The following EDA variants were observed in gnomAD, a reference collection of about 807,000 sequenced individuals.
EDA encodes the protein ectodysplasin A.
A neutral mutation model predicts 23.6 loss-of-function variants in EDA; 2 were observed. The ratio of observed to expected loss-of-function variants is 0.08; its 90% CI spans 0.03 to 0.27. EDA has a LOEUF of 0.27. EDA is among the 10% of genes least tolerant of loss of function. The probability of loss-of-function intolerance (pLI) is 1.00; values close to 1 mark genes in which losing one functional copy is unlikely to be tolerated. For synonymous variants in EDA, 131 were observed against 132.0 expected (o/e 0.99, Z 0.05); for missense variants, 229 against 324.2 (o/e 0.71, Z 2.26).
chrX:69,858,848 ATC>A (rs1208925862), intron 1 of EDA, among the ~76,000 whole-genome samples: 1 of 111,176 alleles, frequency 9.0e-6, no homozygotes, highest in Non-Finnish European at 1.9e-5. Flanking sequence ...CCAGCTATGA[ATC>A]TCTCTGGTCC....
chrX:69,665,181 G>A (rs983842937), intron 1 of EDA, among the ~76,000 whole-genome samples: 1 of 112,082 alleles, frequency 8.9e-6, no homozygotes, highest in African/African-American at 3.2e-5. Flanking sequence ...CTATTGAGTT[G>A]TATGAGTTCT....
intron 1 of EDA, among the ~76,000 whole-genome samples, chrX:69,737,579 ATTG>A (rs1213780053): frequency 8.9e-6 from 1 of 112,128 alleles, no homozygotes; most frequent in Non-Finnish European, 1.9e-5. Context: ...CCTCCTAATT[ATTG>A]TTATTTTTGC....
chrX:69,939,697 A>G (rs190485907), intron 1 of EDA, among the ~76,000 whole-genome samples: 3 of 111,123 alleles, frequency 2.7e-5, no homozygotes, highest in African/African-American at 6.5e-5. Context: ...GTTTTTCCCT[A>G]TTGCGTATGA....
intron 1 of EDA, among the ~76,000 whole-genome samples, chrX:69,730,238 G>A (rs143414145): frequency 8.2e-4 from 91 of 111,586 alleles, no homozygotes; most frequent in African/African-American, 2.9e-3. Context: ...TTTGTTCACT[G>A]CTGTATCCAC....
intron 1 of EDA, among the ~76,000 whole-genome samples, chrX:69,717,075 T>C (rs1252554686): frequency 9.0e-6 from 1 of 111,283 alleles, no homozygotes; most frequent in Non-Finnish European, 1.9e-5. Context: ...TCTTGTGTGA[T>C]TGCTCTGGCT....
chrX:69,682,502 G>C (rs912461043), intron 1 of EDA, among the ~76,000 whole-genome samples: 1 of 112,241 alleles, frequency 8.9e-6, no homozygotes, highest in Non-Finnish European at 1.9e-5. Flanking sequence ...CTCCAAGCCA[G>C]GTGTGGGATA....
At chrX:69,831,684 A>T (rs1178651907) in intron 1 of EDA, among the ~76,000 whole-genome samples, 1 of 112,137 alleles carries the variant, frequency 8.9e-6, no homozygotes, top group East Asian at 2.8e-4. Flanking sequence ...ACAGTGTAAA[A>T]GTTCCTGTTT....
intron 1 of EDA, among the ~76,000 whole-genome samples, chrX:69,659,297 C>T (rs1480727109): frequency 8.9e-6 from 1 of 112,015 alleles, no homozygotes; most frequent in Non-Finnish European, 1.9e-5. Flanking sequence ...TACTACATTT[C>T]GGGAACATCC....
At chrX:69,641,746 A>G (rs1246635157) in intron 1 of EDA, among the ~76,000 whole-genome samples, 1 of 111,721 alleles carries the variant, frequency 9.0e-6, no homozygotes, top group African/African-American at 3.3e-5. Context: ...ATGTATATGT[A>G]TAATGGTGCA....
chrX:69,749,526 A>C, intron 1 of EDA, among the ~76,000 whole-genome samples: 1 of 110,609 alleles, frequency 9.0e-6, no homozygotes, highest in Admixed American at 9.6e-5. Flanking sequence ...TGACTTCCAC[A>C]ATGGTTGAAC....
At chrX:69,756,023 G>A (rs780177721) in intron 1 of EDA, among the ~76,000 whole-genome samples, 26 of 111,999 alleles carry the variant, frequency 2.3e-4, no homozygotes, top group African/African-American at 6.8e-4. Flanking sequence ...CGGGTGAGGC[G>A]ATGCCCCGCC....
At chrX:69,847,080 T>C (rs2017023696) in intron 1 of EDA, among the ~76,000 whole-genome samples, 1 of 111,671 alleles carries the variant, frequency 9.0e-6, no homozygotes, top group Non-Finnish European at 1.9e-5. Flanking sequence ...GAATACGGGT[T>C]GTGTATGGAG....
At chrX:69,998,278 G>GCCC (rs2019690065) in intron 2 of EDA, among the ~76,000 whole-genome samples, 1 of 112,554 alleles carries the variant, frequency 8.9e-6, no homozygotes, top group African/African-American at 3.2e-5. Flanking sequence ...TGGAGTCAAA[G>GCCC]GAGATCATTT....
chrX:69,877,478 A>G (rs2017664048), intron 1 of EDA, among the ~76,000 whole-genome samples: 1 of 112,586 alleles, frequency 8.9e-6, no homozygotes, highest in African/African-American at 3.2e-5. Context: ...AATATCTTTT[A>G]TAATGTAGTA....
rs527645058 is a variant in EDA, at chrX:69,843,142, A to C, written c.397-113885A>C. 2.6e-4 allele frequency among the ~76,000 whole-genome samples: 29 copies of C among 112,546 alleles called. No individual in the cohort carries two copies. In the South Asian group the frequency reaches 0.01, roughly 40 times the overall value. On this transcript the variant is annotated intron_variant, in intron 1 of 7. Transcript: ENST00000374552. ...AAACGAATATAATTTCTAGAAAAAT[A>C]AGGTGCAGCAATCCTTCAAGACTCC...
intron 4 of EDA, among the ~76,000 whole-genome samples, chrX:70,028,851 G>A (rs1239396860): frequency 1.8e-5 from 2 of 112,519 alleles, no homozygotes; most frequent in African/African-American, 6.5e-5. Context: ...CCTGTATCTT[G>A]GGGCTTTAAA....
chrX:69,649,028 C>T (rs1300254530), intron 1 of EDA, among the ~76,000 whole-genome samples: 8 of 111,396 alleles, frequency 7.2e-5, no homozygotes, highest in Non-Finnish European at 5.7e-5. Flanking sequence ...ATGTCACTCC[C>T]GGGTGGGCCG....
At chrX:69,619,914 A>G (rs1038351373) in intron 1 of EDA, among the ~76,000 whole-genome samples, 2 of 111,820 alleles carry the variant, frequency 1.8e-5, no homozygotes, top group Admixed American at 1.9e-4. Context: ...TACAAGATCA[A>G]AAGCAGATTG....
chrX:69,779,567 T>A (rs1424240804), intron 1 of EDA, among the ~76,000 whole-genome samples: 1 of 111,224 alleles, frequency 9.0e-6, no homozygotes, highest in Non-Finnish European at 1.9e-5. Context: ...TGGAGTCACC[T>A]TTAGGGGTGA....
Sources: gnomAD v4.1 joint callset for allele counts (sites outside exome capture counted in the v4.1 genomes callset) on GRCh38, gnomAD v4.1.1 for gene constraint, MANE v1.5 for transcripts, NCBI Gene and HGNC (gene_info 2026-07-23, HGNC 2026-07-21) for gene names.